Variants in GARNL3 observed in about 807,000 individuals in gnomAD.
GARNL3 encodes the protein GTPase activating Rap/RanGAP domain like 3.
In GARNL3, 63 loss-of-function variants were observed where a neutral mutation model predicts 125.0. The observed-to-expected ratio is 0.50, with a 90% CI of 0.41 to 0.62. The LOEUF is 0.62. GARNL3 is among the 20% of genes least tolerant of loss of function. The pLI, the probability that GARNL3 is intolerant of heterozygous loss-of-function variation, is 0.00. For synonymous variants in GARNL3, 439 were observed against 457.5 expected (o/e 0.96, Z 0.52); for missense variants, 994 against 1,244.0 (o/e 0.80, Z 3.02).
At chr9:127,225,242 C>A (rs1019836196) in intron 1 of GARNL3, 3 of 507,932 alleles carry the variant, frequency 5.9e-6, no homozygotes, top group Non-Finnish European at 7.6e-6. Flanking sequence ...CTGCGGCGCG[C>A]GAGCCGAGCG....
chr9:127,351,361 G>A (rs527763712), intron 17 of GARNL3, among the ~76,000 whole-genome samples: 28 of 152,044 alleles, frequency 1.8e-4, no homozygotes, highest in African/African-American at 5.8e-4. Flanking sequence ...GAAGGAAGTC[G>A]CCTTCAACAG....
intron 22 of GARNL3, among the ~76,000 whole-genome samples, chr9:127,376,290 CT>C (rs1831904840): frequency 6.6e-6 from 1 of 151,376 alleles, no homozygotes; most frequent in Admixed American, 6.6e-5. Context: ...GACAGTCTCG[CT>C]TACTGCAGGC....
At chr9:127,339,291 C>T (rs1054882937) in intron 12 of GARNL3, among the ~76,000 whole-genome samples, 13 of 129,390 alleles carry the variant, frequency 1.0e-4, no homozygotes, top group East Asian at 6.5e-4. Flanking sequence ...AGCGAGACTC[C>T]GTCTCAAAAA....
chr9:127,319,019 A>C (rs2065319699), intron 5 of GARNL3, among the ~76,000 whole-genome samples: 1 of 152,168 alleles, frequency 6.6e-6, no homozygotes, highest in South Asian at 2.1e-4. Flanking sequence ...TGAAGGGCAA[A>C]GCTTATCTCA....
intron 20 of GARNL3, 76 bp from the exon 21 acceptor site, chr9:127,357,143 A>C: frequency 1.4e-6 from 2 of 1,426,094 alleles, no homozygotes; most frequent in Non-Finnish European, 2.0e-6. Flanking sequence ...TAAGGAGGGA[A>C]TGGGCAGTGG....
chr9:127,237,168 G>A (rs921190567), intron 1 of GARNL3, among the ~76,000 whole-genome samples: 2 of 152,150 alleles, frequency 1.3e-5, no homozygotes, highest in East Asian at 3.8e-4. Context: ...GAAAGCTGCC[G>A]CATCATGTCA....
rs1465065564 is a variant in GARNL3 at position 127,270,219 on chromosome 9, A to T, written c.144+5198A>T. ...TTGAATGGCCTGGTACCCTTGTCAG[A>T]AATCAATTGACTATAGATGTGAGGG... On this transcript the variant is annotated intron_variant, in intron 1 of 27. Coordinates refer to ENST00000373387, the MANE Select transcript of GARNL3 (RefSeq NM_032293.5). Among the ~76,000 whole-genome samples, 2 of 152,216 alleles carry T rather than the reference A, an allele frequency of 1.3e-5. 1 individual carries two copies. Among genetic ancestry groups the T allele is most frequent in the Non-Finnish European group, 2.9e-5 (2 of 68,036 alleles).
At chr9:127,281,659 C>A (rs985923028) in intron 1 of GARNL3, among the ~76,000 whole-genome samples, 5 of 152,218 alleles carry the variant, frequency 3.3e-5, no homozygotes, top group Admixed American at 6.5e-5. Context: ...CTTGCCTTTC[C>A]CTGCAGGCAC....
rs1203045055 is a variant in GARNL3, at chr9:127,280,857, G to A, written c.145-10311G>A. On this transcript the variant is annotated intron_variant, in intron 1 of 27. Coordinates refer to ENST00000373387, the MANE Select transcript of GARNL3 (RefSeq NM_032293.5). The surrounding 1 kb of genome is among the most constrained non-coding windows in gnomAD (Gnocchi z 4.5). ...ATAGCAGAAAGGTCATCTGTTAGGA[G>A]AAAGGGTGTTTCTGTAGTGGTAACA... is the stretch of plus-strand genomic sequence containing the variant. 1.3e-5 allele frequency among the ~76,000 whole-genome samples: 2 copies of A among 152,200 alleles called. No homozygotes were observed. The highest frequency in any genetic ancestry group is 2.9e-5 in the Non-Finnish European group (2 of 68,030).
At chr9:127,287,158 TG>T (rs962871926) in intron 1 of GARNL3, among the ~76,000 whole-genome samples, 5 of 152,060 alleles carry the variant, frequency 3.3e-5, no homozygotes, top group Admixed American at 2.6e-4. Flanking sequence ...TCTAGGGAAA[TG>T]GGGTCTAGCT....
intron 1 of GARNL3, among the ~76,000 whole-genome samples, chr9:127,287,737 T>A (rs1451328734): frequency 6.6e-6 from 1 of 152,186 alleles, no homozygotes; most frequent in Non-Finnish European, 1.5e-5. Context: ...GAGCTCAGGG[T>A]GTTGGTGTGA....
intron 7 of GARNL3, among the ~76,000 whole-genome samples, chr9:127,325,898 G>A (rs370500976): frequency 3.9e-5 from 6 of 152,058 alleles, no homozygotes; most frequent in African/African-American, 1.4e-4. Context: ...ATGTGGAATC[G>A]GGTCATCTCT....
Position 127,387,254 on chromosome 9 carries a change from A to AG in GARNL3, c.2455dup (p.Ala819GlyfsTer26). The AG allele has an allele frequency of 6.2e-7, 1 of 1,614,108 alleles. No individual in the cohort carries two copies. The highest frequency in any genetic ancestry group is 8.5e-7 in the Non-Finnish European group (1 of 1,179,964). ...GAGGTCTCATCTGGAGGCAGCTCCA[A>AG]GGGGGCCAGTGCCCGAAATTCTCCT... On this transcript the variant is annotated frameshift_variant, in exon 25 of 28. Transcript: ENST00000373387. LOFTEE classifies it high-confidence loss of function.
At position 127,391,533 on chromosome 9, in the gene GARNL3, A is replaced by AAAAAT; in HGVS notation, c.2870+767_2870+768insAAATA. 4.3e-4 allele frequency among the ~76,000 whole-genome samples: 33 copies of AAAAAT among 75,872 alleles called. 3 individuals are homozygous for AAAAAT. Among genetic ancestry groups the AAAAAT allele is most frequent in the African/African-American group, 1.3e-3 (33 of 25,516 alleles). 49.8% of individuals were successfully genotyped at this position (75,872 alleles called of 152,430 possible). On this transcript the variant is annotated intron_variant, in intron 27 of 27. Transcript: ENST00000373387. The stretch of plus-strand genomic sequence containing the variant: ...GCAAGACCCATCTCTACAAAAAAAA[A>AAAAAT]ATATATATATATATATATAGGCTGG...
chr9:127,334,986 T>A (rs1351853945), intron 9 of GARNL3, among the ~76,000 whole-genome samples: 1 of 152,222 alleles, frequency 6.6e-6, no homozygotes. Flanking sequence ...CCTGGACTTC[T>A]TATGACCTTC....
intron 1 of GARNL3, among the ~76,000 whole-genome samples, chr9:127,226,250 C>G (rs1428231483): frequency 6.6e-6 from 1 of 152,200 alleles, no homozygotes; most frequent in Non-Finnish European, 1.5e-5. Context: ...GACTCCGACC[C>G]GCACTGAGGC....
intron 11 of GARNL3, among the ~76,000 whole-genome samples, chr9:127,337,825 T>C (rs914854660): frequency 2.0e-5 from 3 of 152,252 alleles, no homozygotes; most frequent in South Asian, 2.1e-4. Context: ...TGCTGACTGC[T>C]TAGTTGTTTA....
chr9:127,335,508 A>G (rs553702094), intron 10 of GARNL3, among the ~76,000 whole-genome samples, 175 bp downstream of exon 10: 3 of 152,346 alleles, frequency 2.0e-5, no homozygotes, highest in Non-Finnish European at 2.9e-5. Flanking sequence ...AGGAAGAGCT[A>G]TTCTCACTGG....
chr9:127,369,508 C>T (rs933362423), intron 22 of GARNL3, among the ~76,000 whole-genome samples: 1 of 152,134 alleles, frequency 6.6e-6, no homozygotes, highest in South Asian at 2.1e-4. Flanking sequence ...GAAGAGTGCC[C>T]GGAAAGGCAG....
Sources: gnomAD v4.1 joint callset for allele counts (sites outside exome capture counted in the v4.1 genomes callset) on GRCh38, gnomAD v4.1.1 for gene constraint, Gnocchi (gnomAD v3.1) non-coding constraint, MANE v1.5 for transcripts, NCBI Gene and HGNC (gene_info 2026-07-23, HGNC 2026-07-21) for gene names.